ASTN2: variants seen among roughly 807,000 people sequenced by gnomAD.
ASTN2 encodes astrotactin-2.
A neutral mutation model predicts 139.8 loss-of-function variants in ASTN2; 54 were observed. That is an observed-to-expected ratio of 0.39 (90% CI 0.31 to 0.48). The LOEUF is 0.48. Among genes scored for constraint, ASTN2 ranks in the 20% least tolerant of loss-of-function variants. The probability of loss-of-function intolerance (pLI) is 0.95; values close to 1 mark genes in which losing one functional copy is unlikely to be tolerated. For missense variants in ASTN2, 1,565 were observed against 1,725.1 expected (o/e 0.91, Z 1.64); for synonymous variants, 756 against 719.5 (o/e 1.05, Z -0.81).
At chr9:116,533,761 G>C (rs920948453) in intron 19 of ASTN2, among the ~76,000 whole-genome samples, 9 of 152,146 alleles carry the variant, frequency 5.9e-5, no homozygotes, top group Non-Finnish European at 1.2e-4. Flanking sequence ...GATTCGGTTT[G>C]CCAGTATTTT....
chr9:116,518,107 TC>T (rs1301471701), intron 19 of ASTN2, among the ~76,000 whole-genome samples: 1 of 151,950 alleles, frequency 6.6e-6, no homozygotes, highest in African/African-American at 2.4e-5. Context: ...AAGGAAAACT[TC>T]CCCAGCCTTG....
intron 13 of ASTN2, among the ~76,000 whole-genome samples, chr9:116,779,113 C>T (rs1443629088): frequency 2.5e-5 from 1 of 39,458 alleles, no homozygotes; most frequent in Non-Finnish European, 1.1e-4. Context: ...TACCACTCTC[C>T]CCATATCTCT....
chr9:117,350,037 T>C (rs1209852421), intron 1 of ASTN2, among the ~76,000 whole-genome samples: 1 of 152,216 alleles, frequency 6.6e-6, no homozygotes, highest in Non-Finnish European at 1.5e-5. Context: ...CATACAAATG[T>C]TGATTTCTTA....
At chr9:117,124,305 C>A (rs1829632409) in intron 4 of ASTN2, among the ~76,000 whole-genome samples, 1 of 152,154 alleles carries the variant, frequency 6.6e-6, no homozygotes, top group African/African-American at 2.4e-5. Flanking sequence ...TACATACCCA[C>A]CTCCCACTCC....
At chr9:116,834,409 T>C (rs1403194314) in intron 11 of ASTN2, among the ~76,000 whole-genome samples, 1 of 152,218 alleles carries the variant, frequency 6.6e-6, no homozygotes, top group African/African-American at 2.4e-5. Flanking sequence ...CCAACCATCA[T>C]TGTAGAATTG....
In ASTN2 at chr9:117,314,762, GTAT is replaced by G. The variant is rs570949760; in HGVS notation, c.443-23252_443-23250del. The stretch of plus-strand genomic sequence containing the variant: ...TAGTAATGTAATATAATTATATGTA[GTAT>G]TATATGTAACATACAACTATATATA... On this transcript the variant is annotated intron_variant, in intron 1 of 22. Coordinates refer to ENST00000313400, the MANE Select transcript of ASTN2 (RefSeq NM_001365068.1). Among the ~76,000 whole-genome samples the G allele has an allele frequency of 6.9e-4, 100 of 143,928 alleles. 1 individual carries two copies. The highest frequency in any genetic ancestry group is 2.2e-3 in the African/African-American group (89 of 39,632). The allele number at this position is 143,928 out of a possible 152,430, so 94.4% of individuals were successfully genotyped here. A position where few individuals can be genotyped will look rare whatever the true frequency, so the allele number is the denominator to read the frequency against.
At chr9:116,620,864 T>A (rs763074935) in intron 17 of ASTN2, among the ~76,000 whole-genome samples, 5 of 152,180 alleles carry the variant, frequency 3.3e-5, no homozygotes, top group Non-Finnish European at 7.3e-5. Flanking sequence ...CCCAAGGCAA[T>A]CTGCCTCCAA....
intron 17 of ASTN2, among the ~76,000 whole-genome samples, chr9:116,645,504 A>G (rs369224366): frequency 1.2e-4 from 18 of 152,162 alleles, no homozygotes; most frequent in South Asian, 1.0e-3. Flanking sequence ...CTAGGGTCCA[A>G]TGGTCCCCAA....
chr9:117,022,953 A>G (rs1166317790), intron 6 of ASTN2, among the ~76,000 whole-genome samples: 1 of 152,106 alleles, frequency 6.6e-6, no homozygotes. Flanking sequence ...AAACTATGAC[A>G]GTAAACAGGA....
At chr9:116,724,909 C>G (rs1032909180) in intron 16 of ASTN2, among the ~76,000 whole-genome samples, 30 of 152,162 alleles carry the variant, frequency 2.0e-4, no homozygotes, top group African/African-American at 2.4e-5. Context: ...GGGTTCCAAT[C>G]CTGACCCTGC....
chr9:116,822,540 T>G (rs1477408257), intron 11 of ASTN2, among the ~76,000 whole-genome samples: 1 of 152,160 alleles, frequency 6.6e-6, no homozygotes, highest in Non-Finnish European at 1.5e-5. Context: ...TCAGTCTGTT[T>G]GCAGACTCGC....
intron 10 of ASTN2, among the ~76,000 whole-genome samples, chr9:116,893,154 G>T (rs1239836572): frequency 8.7e-6 from 1 of 115,454 alleles, no homozygotes; most frequent in Non-Finnish European, 1.8e-5. Context: ...TCTACTAAAG[G>T]TGTATCACAC....
intron 22 of ASTN2, chr9:116,437,096 T>C (rs1564276103): frequency 6.5e-6 from 2 of 307,472 alleles, no homozygotes; most frequent in African/African-American, 2.2e-5. Context: ...TTGGGAGATA[T>C]ACCTAATGCT....
At chr9:117,371,521 CT>C (rs1829989997) in intron 1 of ASTN2, among the ~76,000 whole-genome samples, 1 of 152,224 alleles carries the variant, frequency 6.6e-6, no homozygotes, top group Admixed American at 6.5e-5. Context: ...AAAACACAAA[CT>C]TAGGAGCTGG....
intron 10 of ASTN2, among the ~76,000 whole-genome samples, chr9:116,906,556 T>A (rs1233905963): frequency 6.6e-6 from 1 of 152,184 alleles, no homozygotes; most frequent in Non-Finnish European, 1.5e-5. Context: ...GGCAGCCCTA[T>A]GTTAAATACT....
Position 117,225,574 on chromosome 9 carries a change from T to TATATATATATATATATAC in ASTN2, c.631-10833_631-10832insGTATATATATATATATAT, listed in dbSNP as rs371374987. Reference sequence around the variant, plus strand: ...ATATATATATATATATATATATATATACAGATGAACCCAAGTGGCCAGAGA... The same window carrying TATATATATATATATATAC: ...ATATATATATATATATATATATATATATATATATATATATATACACAGATGAACCCAAGTGGCCAGAGA... On this transcript the variant is annotated intron_variant, in intron 2 of 22. Coordinates refer to ENST00000313400, the MANE Select transcript of ASTN2 (RefSeq NM_001365068.1). 2.8e-3 allele frequency among the ~76,000 whole-genome samples: 215 copies of TATATATATATATATATAC among 77,760 alleles called. 6 individuals carry two copies. Among genetic ancestry groups the TATATATATATATATATAC allele is most frequent in the African/African-American group, 3.0e-3 (71 of 23,834 alleles). 51.0% of individuals were successfully genotyped at this position (77,760 alleles called of 152,430 possible).
chr9:116,542,398 T>C (rs539182910), intron 19 of ASTN2, among the ~76,000 whole-genome samples: 18 of 152,326 alleles, frequency 1.2e-4, no homozygotes, highest in Admixed American at 8.5e-4. Flanking sequence ...GCCACTTCAA[T>C]TGAGCAAGTT....
intron 10 of ASTN2, among the ~76,000 whole-genome samples, chr9:116,896,655 A>G (rs1833885975): frequency 6.6e-6 from 1 of 152,024 alleles, no homozygotes; most frequent in African/African-American, 2.4e-5. Context: ...GGTTTAATTG[A>G]CTCACAGTTC....
At chr9:116,844,390 C>A (rs1293260856) in intron 11 of ASTN2, among the ~76,000 whole-genome samples, 1 of 152,170 alleles carries the variant, frequency 6.6e-6, no homozygotes, top group Admixed American at 6.5e-5. Flanking sequence ...CACACAGCTT[C>A]CTTTTCTCAG....
Sources: allele counts gnomAD v4.1 joint callset (sites outside exome capture counted in the v4.1 genomes callset), GRCh38; gene constraint gnomAD v4.1.1; transcripts MANE v1.5; gene names NCBI Gene and HGNC (gene_info 2026-07-23, HGNC 2026-07-21).